RBFOX1: variants seen among roughly 807,000 people sequenced by gnomAD.
RBFOX1 encodes RNA binding fox-1 homolog 1.
Under a neutral mutation model 57.7 loss-of-function variants are expected in RBFOX1, and 8 were observed. The observed-to-expected ratio is 0.14, with a 90% CI of 0.08 to 0.25. RBFOX1 has a LOEUF of 0.25. Among genes scored for constraint, RBFOX1 ranks in the 10% least tolerant of loss-of-function variants. The pLI, the probability that RBFOX1 is intolerant of heterozygous loss-of-function variation, is 1.00. For synonymous variants in RBFOX1, 326 were observed against 222.4 expected, an observed-to-expected ratio of 1.47 and a Z score of -4.15; for missense variants, 611 against 548.5, an observed-to-expected ratio of 1.11 and a Z score of -1.14.
chr16:6,625,034 G>T (rs980437364), intron 2 of RBFOX1, among the ~76,000 whole-genome samples: 1 of 151,722 alleles, frequency 6.6e-6, no homozygotes, highest in Admixed American at 6.6e-5. Flanking sequence ...GTGTGGTGTC[G>T]CAGGCTTATA....
intron 3 of RBFOX1, among the ~76,000 whole-genome samples, chr16:7,034,053 G>T (rs1224504380): frequency 1.3e-5 from 2 of 152,194 alleles, no homozygotes; most frequent in Non-Finnish European, 2.9e-5. Flanking sequence ...GATGAGGTAG[G>T]TATGGCAGGG....
intron 4 of RBFOX1, among the ~76,000 whole-genome samples, chr16:7,265,367 G>T (rs915739514): frequency 4.0e-5 from 6 of 151,878 alleles, no homozygotes; most frequent in African/African-American, 1.5e-4. Flanking sequence ...GGAAAGAAGT[G>T]GGTGTGGAGG....
chr16:5,518,116 A>C (rs191174590), intron 2 of RBFOX1, among the ~76,000 whole-genome samples: 1 of 152,242 alleles, frequency 6.6e-6, no homozygotes, highest in African/African-American at 2.4e-5. Context: ...TGCAGCTGCA[A>C]AGCTAAAACA....
At chr16:6,671,762 G>C (rs548762536) in intron 3 of RBFOX1, among the ~76,000 whole-genome samples, 3 of 152,316 alleles carry the variant, frequency 2.0e-5, no homozygotes, top group African/African-American at 7.2e-5. Flanking sequence ...ACAGTTTCCA[G>C]TCCCATCCAG....
At chr16:6,699,272 G>C (rs190558903) in intron 3 of RBFOX1, among the ~76,000 whole-genome samples, 2 of 150,460 alleles carry the variant, frequency 1.3e-5, no homozygotes, top group African/African-American at 4.9e-5. Context: ...GTGAGGCTTT[G>C]CCTTCATAGT....
intron 4 of RBFOX1, among the ~76,000 whole-genome samples, chr16:5,914,546 G>A (rs1446073944): frequency 6.6e-6 from 1 of 152,106 alleles, no homozygotes; most frequent in African/African-American, 2.4e-5. Context: ...TCTGTAGACT[G>A]CTTGAGTGCC....
At chr16:6,631,412 T>G (rs989873780) in intron 2 of RBFOX1, among the ~76,000 whole-genome samples, 1 of 152,172 alleles carries the variant, frequency 6.6e-6, no homozygotes, top group Non-Finnish European at 1.5e-5. Flanking sequence ...AAACATATTT[T>G]TTTTTTTGTA....
At chr16:6,425,761 C>T (rs2093908213) in intron 2 of RBFOX1, among the ~76,000 whole-genome samples, 1 of 152,116 alleles carries the variant, frequency 6.6e-6, no homozygotes, top group Non-Finnish European at 1.5e-5. Flanking sequence ...GAGTTTGCTT[C>T]TGTTTCAGAA....
chr16:6,651,376 C>G (rs1031762282), intron 2 of RBFOX1, among the ~76,000 whole-genome samples: 3 of 94,458 alleles, frequency 3.2e-5, no homozygotes, highest in Admixed American at 1.9e-4. Context: ...TGGCCTCTGA[C>G]TACTTCTCTC....
chr16:5,554,034 A>G (rs1481332617), intron 2 of RBFOX1, among the ~76,000 whole-genome samples: 1 of 148,068 alleles, frequency 6.8e-6, no homozygotes, highest in Non-Finnish European at 1.5e-5. Context: ...CAGTGGCGTG[A>G]TCTCAGCTCA....
At chr16:6,496,619 C>G (rs564119347) in intron 2 of RBFOX1, among the ~76,000 whole-genome samples, 3 of 152,112 alleles carry the variant, frequency 2.0e-5, no homozygotes. Context: ...CAAGTTGCCC[C>G]AAGCGAAGAC....
At chr16:5,971,997 C>T (rs751240395) in intron 4 of RBFOX1, among the ~76,000 whole-genome samples, 2 of 152,200 alleles carry the variant, frequency 1.3e-5, no homozygotes, top group East Asian at 1.9e-4. Context: ...TGACTTCAAA[C>T]TGGGACGTGT....
At chr16:6,581,688 T>C (rs1357203330) in intron 2 of RBFOX1, among the ~76,000 whole-genome samples, 1 of 152,190 alleles carries the variant, frequency 6.6e-6, no homozygotes, top group Non-Finnish European at 1.5e-5. Context: ...GCCTCCCTCA[T>C]GGGTTCTGCT....
At chr16:6,003,522 C>T (rs1193663208) in intron 4 of RBFOX1, among the ~76,000 whole-genome samples, 1 of 140,386 alleles carries the variant, frequency 7.1e-6, no homozygotes, top group African/African-American at 2.6e-5. Context: ...AGGATGACTT[C>T]ATTGACAGGA....
At chr16:7,221,960 G>C (rs982167577) in intron 4 of RBFOX1, among the ~76,000 whole-genome samples, 7 of 152,180 alleles carry the variant, frequency 4.6e-5, no homozygotes, top group Non-Finnish European at 7.3e-5. Flanking sequence ...CTAAGTCTTG[G>C]TCTGCTTCTG....
intron 11 of RBFOX1, among the ~76,000 whole-genome samples, chr16:7,639,916 T>C (rs1253047769): frequency 6.6e-6 from 1 of 152,162 alleles, no homozygotes; most frequent in Non-Finnish European, 1.5e-5. Flanking sequence ...CATTGCAGAA[T>C]TATCCAGCTA....
chr16:7,275,057 TAGGA>T (rs2095414180), intron 4 of RBFOX1, among the ~76,000 whole-genome samples: 1 of 152,036 alleles, frequency 6.6e-6, no homozygotes, highest in Non-Finnish European at 1.5e-5. Context: ...GTGGAGAGGA[TAGGA>T]AGGCAGTGCT....
At chr16:5,960,987 G>T (rs1567194479) in intron 4 of RBFOX1, among the ~76,000 whole-genome samples, 1 of 152,116 alleles carries the variant, frequency 6.6e-6, no homozygotes, top group Non-Finnish European at 1.5e-5. Flanking sequence ...TGAGATGGGG[G>T]AAAAAGCTAC....
intron 2 of RBFOX1, among the ~76,000 whole-genome samples, chr16:6,638,955 T>C (rs1193400120): frequency 6.6e-6 from 1 of 152,166 alleles, no homozygotes; most frequent in Admixed American, 6.5e-5. Flanking sequence ...ACAGAAAATA[T>C]TGCTTCCCAA....
Sources: gnomAD v4.1 joint callset for allele counts (sites outside exome capture counted in the v4.1 genomes callset) on GRCh38, gnomAD v4.1.1 for gene constraint, MANE v1.5 for transcripts, NCBI Gene and HGNC (gene_info 2026-07-23, HGNC 2026-07-21) for gene names.